Variants in TRPM3 observed in about 807,000 individuals in gnomAD.
TRPM3 encodes the protein transient receptor potential cation channel subfamily M member 3.
In TRPM3, 77 loss-of-function variants were observed where a neutral mutation model predicts 181.2. The observed-to-expected ratio is 0.42, with a 90% CI of 0.35 to 0.51. The LOEUF (loss-of-function observed/expected upper bound fraction) is 0.51, where lower values mean the gene tolerates loss of function less well. Ranked by LOEUF, TRPM3 falls within the 20% of genes least tolerant of loss-of-function variation. TRPM3 has a pLI of 0.01. For missense variants in TRPM3, 1,759 were observed against 2,196.7 expected (o/e 0.80, Z 3.98); for synonymous variants, 745 against 796.4 (o/e 0.94, Z 1.09).
At chr9:70,811,284 G>A in intron 6 of TRPM3, 1 of 1,511,794 alleles carries the variant, frequency 6.6e-7, no homozygotes, top group Non-Finnish European at 9.0e-7. Context: ...TACACCCTGT[G>A]GTTGCATACA....
At chr9:71,202,484 T>C (rs2078869161) in intron 1 of TRPM3, among the ~76,000 whole-genome samples, 2 of 152,192 alleles carry the variant, frequency 1.3e-5, no homozygotes, top group African/African-American at 4.8e-5. Context: ...AGGACTTTGT[T>C]ATAGAGCTCT....
intron 6 of TRPM3, among the ~76,000 whole-genome samples, chr9:70,794,682 C>T (rs11142599): frequency 0.13 from 19,564 of 152,200 alleles, 1,734 homozygotes; most frequent in Non-Finnish European, 0.19. Context: ...TCCCCATGTG[C>T]CTGCTGGCTC....
chr9:71,313,780 G>A (rs1054201158), intron 1 of TRPM3, among the ~76,000 whole-genome samples: 1 of 152,056 alleles, frequency 6.6e-6, no homozygotes, highest in African/African-American at 2.4e-5. Context: ...TTGGTCACTT[G>A]AAAATACTGA....
chr9:71,080,407 G>A (rs2064117564), intron 1 of TRPM3, among the ~76,000 whole-genome samples: 1 of 152,080 alleles, frequency 6.6e-6, no homozygotes, highest in African/African-American at 2.4e-5. Context: ...TTTCAAGGGT[G>A]TGCCAACCAT....
chr9:70,999,831 G>A (rs993484657), intron 1 of TRPM3, among the ~76,000 whole-genome samples: 1 of 152,162 alleles, frequency 6.6e-6, no homozygotes, highest in Non-Finnish European at 1.5e-5. Context: ...CACACAGGGA[G>A]CATTCCTACG....
chr9:71,122,592 G>A (rs901762412), upstream of TRPM3, among the ~76,000 whole-genome samples: 2 of 152,148 alleles, frequency 1.3e-5, no homozygotes, highest in Non-Finnish European at 2.9e-5. Context: ...GTAAATCCCA[G>A]CTCCATGACT....
chr9:70,982,535 T>C (rs1029869111), intron 1 of TRPM3, among the ~76,000 whole-genome samples: 4 of 152,200 alleles, frequency 2.6e-5, no homozygotes, highest in Non-Finnish European at 4.4e-5. Context: ...TCTTCTCCTA[T>C]GAATCATCTA....
At chr9:71,337,791 A>G (rs1477248725) in intron 1 of TRPM3, among the ~76,000 whole-genome samples, 2 of 152,194 alleles carry the variant, frequency 1.3e-5, no homozygotes, top group African/African-American at 4.8e-5. Context: ...AGGGATATGG[A>G]TGAAGCTGGA....
At chr9:70,670,947 T>A (rs1777018670) in intron 9 of TRPM3, among the ~76,000 whole-genome samples, 1 of 152,180 alleles carries the variant, frequency 6.6e-6, no homozygotes, top group Non-Finnish European at 1.5e-5. Flanking sequence ...GAATTAGGAT[T>A]TAAGGACATC....
At chr9:70,833,236 C>T (rs553401244) in intron 5 of TRPM3, among the ~76,000 whole-genome samples, 4 of 152,196 alleles carry the variant, frequency 2.6e-5, no homozygotes, top group South Asian at 2.1e-4. Flanking sequence ...TTCTGCAATG[C>T]GAGGGCAGTT....
chr9:71,213,392 C>T (rs892540879), intron 1 of TRPM3, among the ~76,000 whole-genome samples: 13 of 152,214 alleles, frequency 8.5e-5, no homozygotes, highest in Non-Finnish European at 1.6e-4. Flanking sequence ...TTAGCCAAAG[C>T]TTGAACTAAA....
chr9:71,050,943 G>T (rs2060000129), intron 1 of TRPM3, among the ~76,000 whole-genome samples: 1 of 152,198 alleles, frequency 6.6e-6, no homozygotes. Flanking sequence ...ACTAGCAATT[G>T]CCAAGGAAGA....
chr9:70,847,162 T>G (rs924354628), intron 3 of TRPM3, among the ~76,000 whole-genome samples: 2 of 152,174 alleles, frequency 1.3e-5, no homozygotes, highest in African/African-American at 4.8e-5. Flanking sequence ...GGACAACTAT[T>G]CTTGAAGAAT....
intron 1 of TRPM3, among the ~76,000 whole-genome samples, chr9:70,895,271 A>C (rs1391148688): frequency 1.3e-5 from 2 of 152,166 alleles, no homozygotes; most frequent in African/African-American, 4.8e-5. Flanking sequence ...ACTAACTTTT[A>C]ACAATGTTCT....
intron 1 of TRPM3, among the ~76,000 whole-genome samples, chr9:71,201,903 C>T (rs541234263): frequency 6.6e-6 from 1 of 152,226 alleles, no homozygotes; most frequent in Non-Finnish European, 1.5e-5. Context: ...AGGAGAGGCA[C>T]TCTGCTTTTT....
chr9:71,062,366 G>C (rs1005067926), intron 1 of TRPM3, among the ~76,000 whole-genome samples: 1 of 151,974 alleles, frequency 6.6e-6, no homozygotes, highest in Non-Finnish European at 1.5e-5. Flanking sequence ...CCAATGTGAT[G>C]GTCTAAATAC....
intron 1 of TRPM3, among the ~76,000 whole-genome samples, chr9:70,877,804 A>AACACATACACACAC (rs2095895606): frequency 6.8e-6 from 1 of 146,112 alleles, no homozygotes; most frequent in African/African-American, 2.6e-5. Context: ...AAAATCATAA[A>AACACATACACACAC]ACACACACAC....
chr9:70,889,940 T>C (rs1467334894), intron 1 of TRPM3, among the ~76,000 whole-genome samples: 1 of 148,380 alleles, frequency 6.7e-6, no homozygotes, highest in Admixed American at 6.8e-5. Flanking sequence ...GTATATATGC[T>C]ATATACTATA....
chr9:71,389,512 C>A (rs750726106), intron 1 of TRPM3, among the ~76,000 whole-genome samples: 2 of 152,032 alleles, frequency 1.3e-5, no homozygotes, highest in Non-Finnish European at 2.9e-5. Flanking sequence ...AGTCAATATT[C>A]AAAAAAGATA....
Sources: allele counts gnomAD v4.1 joint callset (sites outside exome capture counted in the v4.1 genomes callset), GRCh38; gene constraint gnomAD v4.1.1; transcripts MANE v1.5; gene names NCBI Gene and HGNC (gene_info 2026-07-23, HGNC 2026-07-21).